MAGI2: variants seen among roughly 807,000 people sequenced by gnomAD.
MAGI2 encodes the protein membrane associated guanylate kinase, WW and PDZ domain containing 2, also known as membrane-associated guanylate kinase, WW and PDZ domain-containing protein 2.
A neutral mutation model predicts 133.3 loss-of-function variants in MAGI2; 35 were observed. The observed-to-expected ratio is 0.26, with a 90% confidence interval of 0.20 to 0.35. The LOEUF (loss-of-function observed/expected upper bound fraction) is 0.35. MAGI2 is among the 10% of genes least tolerant of loss of function. The probability of loss-of-function intolerance (pLI) is 1.00; values close to 1 mark genes in which losing one functional copy is unlikely to be tolerated. For synonymous variants in MAGI2, 729 were observed against 710.6 expected (o/e 1.03, Z -0.41); for missense variants, 1,636 against 1,863.4 (o/e 0.88, Z 2.25).
chr7:78,495,821 T>C (rs1428753420), intron 5 of MAGI2, among the ~76,000 whole-genome samples: 1 of 152,206 alleles, frequency 6.6e-6, no homozygotes, highest in East Asian at 1.9e-4. Flanking sequence ...TTGCACACTG[T>C]TTTGTCTAAA....
chr7:79,318,421 TGATA>T (rs1838912695), intron 1 of MAGI2, among the ~76,000 whole-genome samples: 1 of 152,178 alleles, frequency 6.6e-6, no homozygotes, highest in South Asian at 2.1e-4. Flanking sequence ...GTAAGTTGAT[TGATA>T]GATAAATGGA....
intron 14 of MAGI2, among the ~76,000 whole-genome samples, chr7:78,177,246 T>A (rs550994372): frequency 1.3e-5 from 2 of 152,262 alleles, no homozygotes; most frequent in Admixed American, 1.3e-4. Flanking sequence ...GGCCCTTCAC[T>A]TATTCAAAAC....
chr7:78,207,528 A>C (rs992617813), intron 10 of MAGI2, among the ~76,000 whole-genome samples: 1 of 152,240 alleles, frequency 6.6e-6, no homozygotes, highest in African/African-American at 2.4e-5. Context: ...AATGTAAGCC[A>C]GCAGAGTCAT....
chr7:78,661,325 A>T (rs1199079924), intron 2 of MAGI2, among the ~76,000 whole-genome samples: 1 of 152,144 alleles, frequency 6.6e-6, no homozygotes, highest in Non-Finnish European at 1.5e-5. Context: ...TTTAAACCAT[A>T]CTGATGATAC....
intron 9 of MAGI2, among the ~76,000 whole-genome samples, chr7:78,327,212 A>G (rs905759530): frequency 6.6e-6 from 1 of 152,186 alleles, no homozygotes; most frequent in Non-Finnish European, 1.5e-5. Flanking sequence ...GGCTCAAGTC[A>G]GGCTCTATTC....
At chr7:78,176,909 A>T (rs1247224428) in intron 14 of MAGI2, among the ~76,000 whole-genome samples, 1 of 31,894 alleles carries the variant, frequency 3.1e-5, no homozygotes, top group Non-Finnish European at 8.3e-5. Flanking sequence ...CCATATATAG[A>T]CACACACACA....
chr7:78,109,299 G>A (rs531373829), intron 20 of MAGI2, among the ~76,000 whole-genome samples: 421 of 32,482 alleles, frequency 0.013, 1 homozygote, highest in Middle Eastern at 0.077. Flanking sequence ...GCAAGACTCC[G>A]TCTCAAAAAA....
At chr7:78,942,870 C>A (rs1801097850) in intron 2 of MAGI2, among the ~76,000 whole-genome samples, 1 of 147,420 alleles carries the variant, frequency 6.8e-6, no homozygotes. Flanking sequence ...GTGGATAGTG[C>A]AGAATCTAGG....
intron 3 of MAGI2, among the ~76,000 whole-genome samples, chr7:78,541,829 T>G (rs1328955223): frequency 6.6e-6 from 1 of 152,248 alleles, no homozygotes; most frequent in African/African-American, 2.4e-5. Flanking sequence ...AAGTATTTTA[T>G]GATCTTCTAT....
At chr7:78,396,505 TCTC>T (rs1796357956) in intron 6 of MAGI2, among the ~76,000 whole-genome samples, 2 of 152,198 alleles carry the variant, frequency 1.3e-5, no homozygotes, top group Non-Finnish European at 2.9e-5. Flanking sequence ...ATCATTCAAA[TCTC>T]CTTTCACATA....
At chr7:78,685,851 G>A (rs1259847945) in intron 2 of MAGI2, among the ~76,000 whole-genome samples, 1 of 151,902 alleles carries the variant, frequency 6.6e-6, no homozygotes, top group Non-Finnish European at 1.5e-5. Context: ...CTGACCCCTT[G>A]GGCTACTGTG....
chr7:79,317,601 C>A (rs780752784), intron 1 of MAGI2, among the ~76,000 whole-genome samples: 13 of 152,062 alleles, frequency 8.5e-5, no homozygotes, highest in Non-Finnish European at 1.5e-4. Context: ...TCAATGGATT[C>A]TTTACATTCT....
At chr7:78,867,949 A>T (rs1324354438) in intron 2 of MAGI2, among the ~76,000 whole-genome samples, 1 of 152,116 alleles carries the variant, frequency 6.6e-6, no homozygotes, top group Non-Finnish European at 1.5e-5. Context: ...AGCAGGAGTG[A>T]TAATAAGAGG....
intron 2 of MAGI2, among the ~76,000 whole-genome samples, chr7:78,703,589 C>T (rs1032129601): frequency 6.6e-6 from 1 of 151,942 alleles, no homozygotes; most frequent in Non-Finnish European, 1.5e-5. Flanking sequence ...TGAACTAATG[C>T]TCCAAAAAGC....
intron 1 of MAGI2, among the ~76,000 whole-genome samples, chr7:79,310,898 C>T (rs1475194760): frequency 6.6e-6 from 1 of 151,852 alleles, no homozygotes; most frequent in Non-Finnish European, 1.5e-5. Context: ...TGATCATTAT[C>T]ACATTAAGAA....
intron 2 of MAGI2, among the ~76,000 whole-genome samples, chr7:78,856,486 C>A (rs1793641784): frequency 6.6e-6 from 1 of 152,194 alleles, no homozygotes; most frequent in Non-Finnish European, 1.5e-5. Context: ...CCAGTTTCCC[C>A]AGCACCATTT....
chr7:78,235,586 G>A (rs1790444619), intron 10 of MAGI2, among the ~76,000 whole-genome samples: 1 of 152,114 alleles, frequency 6.6e-6, no homozygotes, highest in Admixed American at 6.6e-5. Flanking sequence ...CTCTCCTGCT[G>A]CCATGTGAAG....
intron 1 of MAGI2, among the ~76,000 whole-genome samples, chr7:79,111,503 T>A (rs1263983467): frequency 6.6e-6 from 1 of 152,192 alleles, no homozygotes; most frequent in Admixed American, 6.5e-5. Context: ...GAATTCTTTA[T>A]TTTTTTGAGA....
intron 2 of MAGI2, among the ~76,000 whole-genome samples, chr7:78,959,534 G>T (rs1802674548): frequency 6.6e-6 from 1 of 151,928 alleles, no homozygotes. Flanking sequence ...AGTGTTTAGG[G>T]ATTAGTTAAT....
Sources: gnomAD v4.1 joint callset for allele counts (sites outside exome capture counted in the v4.1 genomes callset) on GRCh38, gnomAD v4.1.1 for gene constraint, MANE v1.5 for transcripts, NCBI Gene and HGNC (gene_info 2026-07-23, HGNC 2026-07-21) for gene names.